SEMA6B: variants seen among roughly 807,000 people sequenced by gnomAD.
SEMA6B encodes semaphorin-6B.
A neutral mutation model predicts 78.6 loss-of-function variants in SEMA6B; 47 were observed. That is an observed-to-expected ratio of 0.60 (90% CI 0.47 to 0.76). The LOEUF is 0.76. Ranked by LOEUF, SEMA6B falls within the 30% of genes least tolerant of loss-of-function variation. The pLI is 0.00. For synonymous variants in SEMA6B, 632 were observed against 592.2 expected (o/e 1.07, Z -0.98); for missense variants, 1,213 against 1,269.9 (o/e 0.96, Z 0.68).
intron 9 of SEMA6B, among the ~76,000 whole-genome samples, chr19:4,553,206 A>G (rs2145354971): frequency 6.6e-6 from 1 of 152,356 alleles, no homozygotes; most frequent in East Asian, 1.9e-4. Flanking sequence ...AGATAAGTAG[A>G]TGGATGTGTG....
At chr19:4,548,531 A>G in intron 12 of SEMA6B, 86 bp from the exon 13 acceptor site, 4 of 1,257,402 alleles carry the variant, frequency 3.2e-6, no homozygotes, top group Non-Finnish European at 4.5e-6. Context: ...ACACGGGTGC[A>G]TACAGACACT....
chr19:4,557,187 C>A lies in SEMA6B; in HGVS notation c.282G>T (p.Thr94=). The change falls in exon 4 of 17, where the codon ACG becomes ACT. Residue 94 remains threonine, a synonymous_variant. Coordinates refer to ENST00000586582, the MANE Select transcript of SEMA6B (RefSeq NM_032108.4). Reference sequence around the variant, plus strand: ...CCCTCTGGTACCGCAGCTCCGTGGACGTGGGGGGCTCCAGCTCTACGCGGT... The same window carrying A: ...CCCTCTGGTACCGCAGCTCCGTGGAAGTGGGGGGCTCCAGCTCTACGCGGT... The part of the protein sequence containing the change: ...NLYRVELEPP[T]STELRYQRKL... 1 of 1,607,318 alleles carries A rather than the reference C, an allele frequency of 6.2e-7. No individual in the cohort carries two copies. Among genetic ancestry groups the A allele is most frequent in the Non-Finnish European group, 8.5e-7 (1 of 1,176,304 alleles).
In SEMA6B at chr19:4,550,136, G is replaced by A. The variant is rs772641007; in HGVS notation, c.1258C>T (p.Arg420Trp). 5 of 1,613,666 alleles carry A rather than the reference G, an allele frequency of 3.1e-6. No individual in the cohort carries two copies. The highest frequency in any genetic ancestry group is 1.7e-5 in the Admixed American group (1 of 60,014). Residue 420 changes from arginine to tryptophan, a missense_variant, in exon 12 of 17, where the codon CGG becomes TGG. Arg to Trp is a moderately radical substitution (Grantham distance 101). Transcript: ENST00000586582. This position sits in a 1 kb window ranked among gnomAD's most constrained non-coding sequence, Gnocchi z 6.6. Reference sequence around the variant, plus strand: ...TCCAGGACCGACCTCATCAGGGTCCGCAGGATCCAGGGCGCATGGCCCAGC... The same window carrying A: ...TCCAGGACCGACCTCATCAGGGTCCACAGGATCCAGGGCGCATGGCCCAGC... ...PSLGHAPWIL[R>W]TLMRHQLTRV...
In SEMA6B at chr19:4,552,030, C is replaced by T. The variant is rs1247371675; in HGVS notation, c.989+392G>A. On this transcript the variant is annotated intron_variant, in intron 10 of 16. Coordinates refer to ENST00000586582, the MANE Select transcript of SEMA6B (RefSeq NM_032108.4). The surrounding 1 kb of genome is among the most constrained non-coding windows in gnomAD (Gnocchi z 7.4). Reference sequence around the variant, plus strand: ...TTGTGCATTCTCCCCTAGTTCCCTTCCCACACAGACTCTCTCACGATTACT... The same window carrying T: ...TTGTGCATTCTCCCCTAGTTCCCTTTCCACACAGACTCTCTCACGATTACT... Among the ~76,000 whole-genome samples the T allele has an allele frequency of 1.3e-5, 2 of 152,138 alleles. No homozygotes were observed. The highest frequency in any genetic ancestry group is 2.4e-5 in the African/African-American group (1 of 41,430).
chr19:4,553,004 A>G (rs542580840), intron 9 of SEMA6B, among the ~76,000 whole-genome samples: 2 of 152,356 alleles, frequency 1.3e-5, no homozygotes, highest in Admixed American at 1.3e-4. Flanking sequence ...CAAGGTCACA[A>G]TAGTAGTTAG....
At chr19:4,551,400 A>G (rs1977328616) in intron 10 of SEMA6B, among the ~76,000 whole-genome samples, 1 of 151,530 alleles carries the variant, frequency 6.6e-6, no homozygotes. Flanking sequence ...TTGTATTTTT[A>G]GTAGAGATGG....
chr19:4,559,597 A>G lies in SEMA6B; in HGVS notation c.-100T>C. 6.6e-6 allele frequency: 1 copy of G among 152,346 alleles called. No homozygotes were observed. Among genetic ancestry groups the G allele is most frequent in the Non-Finnish European group, 1.5e-5 (1 of 68,068 alleles). 9.4% of individuals were successfully genotyped at this position (152,346 alleles called of 1,614,324 possible). A position where few individuals can be genotyped will look rare whatever the true frequency, so the allele number is the denominator to read the frequency against. On this transcript the variant is annotated 5_prime_UTR_variant, in exon 1 of 17. Coordinates refer to ENST00000586582, the MANE Select transcript of SEMA6B (RefSeq NM_032108.4). ...GTTCAGCAGCCTCGTCCTTCTGGGA[A>G]GTATTGGGCAAGCTCCGAGCCCATT...
Position 4,544,564 on chromosome 19 carries a change from G to C in SEMA6B, c.1739-35C>G. ...GAGCACAGGGGGGTTAGTGGGGCCG[G>C]CGGGGTGGCCCTGGGCATCCCTCCT... On this transcript the variant is annotated intron_variant, in intron 16 of 16. Transcript: ENST00000586582. This position sits in a 1 kb window ranked among gnomAD's most constrained non-coding sequence, Gnocchi z 5.1. 1 of 1,378,936 alleles carries C rather than the reference G, an allele frequency of 7.3e-7. No individual in the cohort carries two copies. Among genetic ancestry groups the C allele is most frequent in the Non-Finnish European group, 9.5e-7 (1 of 1,048,278 alleles). The allele number at this position is 1,378,936 out of a possible 1,614,324, so 85.4% of individuals were successfully genotyped here.
chr19:4,555,290 G>A lies in SEMA6B; in HGVS notation c.562+184C>T, dbSNP rs1977437604. Among the ~76,000 whole-genome samples the A allele has an allele frequency of 6.6e-6, 1 of 152,122 alleles. No homozygotes were observed. Among genetic ancestry groups the A allele is most frequent in the South Asian group, 2.1e-4 (1 of 4,826 alleles). On this transcript the variant is annotated intron_variant, in intron 7 of 16. Coordinates refer to ENST00000586582, the MANE Select transcript of SEMA6B (RefSeq NM_032108.4). This position sits in a 1 kb window ranked among gnomAD's most constrained non-coding sequence, Gnocchi z 6.1. ...TAACTGAGCCCCTGACCCCGGCTAA[G>A]CCCCAAATCCCGCTGAGCCTCAATC... is the stretch of plus-strand genomic sequence containing the variant.
At position 4,542,928 on chromosome 19, in the gene SEMA6B, G is replaced by A. The variant is rs564914054; in HGVS notation, c.*673C>T. ...GTGGGGGGGGTTCAAACTCCTAACC[G>A]GCACCTCGGAGACCCCCGGGCCTTC... is the stretch of plus-strand genomic sequence containing the variant. On this transcript the variant is annotated 3_prime_UTR_variant, in exon 17 of 17. Coordinates refer to ENST00000586582, the MANE Select transcript of SEMA6B (RefSeq NM_032108.4). 8.6e-6 allele frequency: 6 copies of A among 700,648 alleles called. No individual in the cohort carries two copies. The African/African-American group carries it at 8.8e-5, about 10-fold the overall frequency. The allele number at this position is 700,648 out of a possible 1,614,324, so 43.4% of individuals were successfully genotyped here.
In SEMA6B at chr19:4,555,802, C is replaced by T. The variant is rs1387628019; in HGVS notation, c.471+186G>A. 6.6e-6 allele frequency among the ~76,000 whole-genome samples: 1 copy of T among 152,192 alleles called. No homozygotes were observed. Among genetic ancestry groups the T allele is most frequent in the East Asian group, 1.9e-4 (1 of 5,192 alleles). On this transcript the variant is annotated intron_variant, in intron 6 of 16. Coordinates refer to ENST00000586582, the MANE Select transcript of SEMA6B (RefSeq NM_032108.4). This position sits in a 1 kb window ranked among gnomAD's most constrained non-coding sequence, Gnocchi z 6.1. ...TAAGTAGCTACGGCTTCCCCGGCCC[C>T]CTGTACAGGCCTCGTTTGGACAGCG...
Position 4,543,876 on chromosome 19 carries a change from G to A in SEMA6B, c.2392C>T (p.Arg798Trp). The A allele has an allele frequency of 8.3e-7, 1 of 1,206,154 alleles. No homozygotes were observed. The highest frequency in any genetic ancestry group is 1.0e-6 in the Non-Finnish European group (1 of 971,704). 74.7% of individuals were successfully genotyped at this position (1,206,154 alleles called of 1,614,324 possible). A position where few individuals can be genotyped will look rare whatever the true frequency, so the allele number is the denominator to read the frequency against. Residue 798 changes from arginine (R) to tryptophan (W), a missense_variant, in exon 17 of 17, where the codon CGG (arginine) becomes TGG (tryptophan). Transcript: ENST00000586582. ...PLTPHASPDR[R>W]RVVSAPTGPL... ...CCCGTGGGCGCGGACACCACCCGCCGGCGGTCCGGGCTGGCGTGGGGGGTG... is the reference window on the plus strand; with the variant it reads ...CCCGTGGGCGCGGACACCACCCGCCAGCGGTCCGGGCTGGCGTGGGGGGTG...
At position 4,552,324 on chromosome 19, in the gene SEMA6B, C is replaced by T; in HGVS notation, c.989+98G>A. ...CTCAGAGGTCTAATCCAGTGGTGCC[C>T]AACCTAGCACCCAGGGCATACCTGA... On this transcript the variant is annotated intron_variant, in intron 10 of 16. Transcript: ENST00000586582. This position sits in a 1 kb window ranked among gnomAD's most constrained non-coding sequence, Gnocchi z 7.4. The T allele has an allele frequency of 8.0e-7, 1 of 1,243,886 alleles. No individual in the cohort carries two copies. The highest frequency in any genetic ancestry group is 1.1e-6 in the Non-Finnish European group (1 of 897,744). 77.1% of individuals were successfully genotyped at this position (1,243,886 alleles called of 1,614,324 possible). A position where few individuals can be genotyped will look rare whatever the true frequency, so the allele number is the denominator to read the frequency against.
Position 4,555,929 on chromosome 19 carries a change from G to A in SEMA6B, c.471+59C>T, listed in dbSNP as rs935024989. The A allele has an allele frequency of 4.5e-5, 61 of 1,360,714 alleles. No homozygotes were observed. The East Asian group carries it at 1.4e-3, about 31-fold the overall frequency. The allele number at this position is 1,360,714 out of a possible 1,614,324, so 84.3% of individuals were successfully genotyped here. ...CTGGGGAAAAGCCATGGCCAGCGGA[G>A]GTCGGGCGAGCAGAGGCCTGGAGGT... On this transcript the variant is annotated intron_variant, in intron 6 of 16. Coordinates refer to ENST00000586582, the MANE Select transcript of SEMA6B (RefSeq NM_032108.4). The surrounding 1 kb of genome is among the most constrained non-coding windows in gnomAD (Gnocchi z 6.1).
Position 4,557,114 on chromosome 19 carries a change from G to GCGTCCC in SEMA6B, c.306+43_306+48dup, listed in dbSNP as rs1977494277. ...CCACCCAGCTCCCCGGCGCAGTGCC[G>GCGTCCC]CGTCCCCCTGGCCCTACCCCTCCAC... On this transcript the variant is annotated intron_variant, in intron 4 of 16. Coordinates refer to ENST00000586582, the MANE Select transcript of SEMA6B (RefSeq NM_032108.4). 8.2e-6 allele frequency: 13 copies of GCGTCCC among 1,588,764 alleles called. No individual in the cohort carries two copies. The East Asian group carries it at 2.9e-4, about 36-fold the overall frequency.
Position 4,543,133 on chromosome 19 carries a change from C to A in SEMA6B, c.*468G>T, listed in dbSNP as rs1055692546. 5.7e-5 allele frequency: 35 copies of A among 617,462 alleles called. No individual in the cohort carries two copies. The highest frequency in any genetic ancestry group is 9.6e-5 in the Non-Finnish European group (33 of 342,760). 38.2% of individuals were successfully genotyped at this position (617,462 alleles called of 1,614,324 possible). ...CTTGCACACGAACACGGCACGCACA[C>A]GCACGCACACCCACACACGCCAGGG... On this transcript the variant is annotated 3_prime_UTR_variant, in exon 17 of 17. Transcript: ENST00000586582.
intron 12 of SEMA6B, among the ~76,000 whole-genome samples, chr19:4,548,777 C>CGAG: frequency 6.6e-6 from 1 of 152,346 alleles, no homozygotes; most frequent in Non-Finnish European, 1.5e-5. Flanking sequence ...AAGCAATTCT[C>CGAG]TTGCCTCAGC....
rs756377263 is a variant in SEMA6B at position 4,552,545 on chromosome 19, C to T, written c.866G>A (p.Arg289Gln). 16 of 1,612,750 alleles carry T rather than the reference C, an allele frequency of 9.9e-6. No individual in the cohort carries two copies. The highest frequency in any genetic ancestry group is 1.2e-5 in the Non-Finnish European group (14 of 1,179,974). Residue 289 changes from arginine to glutamine, a missense_variant, in exon 10 of 17, where the codon CGG becomes CAG. Transcript: ENST00000586582. This position sits in a 1 kb window ranked among gnomAD's most constrained non-coding sequence, Gnocchi z 7.4. ...EKQWTSFLKARLNCSVPGDSH... is the reference protein window; with the variant it reads ...EKQWTSFLKAQLNCSVPGDSH... ...GTCTCCGGGTACAGAGCAGTTGAGCCGCGCCTTCAGGAAGGACGTCCACTG... is the reference window on the plus strand; with the variant it reads ...GTCTCCGGGTACAGAGCAGTTGAGCTGCGCCTTCAGGAAGGACGTCCACTG...
In SEMA6B at chr19:4,555,905, T is replaced by TG; in HGVS notation, c.471+82dup. 1.8e-6 allele frequency: 2 copies of TG among 1,095,306 alleles called. No individual in the cohort carries two copies. The highest frequency in any genetic ancestry group is 3.4e-5 in the Admixed American group (2 of 58,634). 67.8% of individuals were successfully genotyped at this position (1,095,306 alleles called of 1,614,324 possible). On this transcript the variant is annotated intron_variant, in intron 6 of 16. Transcript: ENST00000586582. The surrounding 1 kb of genome is among the most constrained non-coding windows in gnomAD (Gnocchi z 6.1). ...GCTTCCTGGAGGAGGTGACACGGCC[T>TG]GGGGAAAAGCCATGGCCAGCGGAGG... is the stretch of plus-strand genomic sequence containing the variant.
Sources: allele counts gnomAD v4.1 joint callset (sites outside exome capture counted in the v4.1 genomes callset), GRCh38; gene constraint gnomAD v4.1.1; non-coding constraint Gnocchi (gnomAD v3.1); transcripts MANE v1.5; gene names NCBI Gene and HGNC (gene_info 2026-07-23, HGNC 2026-07-21).